CSMD1: variants seen among roughly 807,000 people sequenced by gnomAD.
The protein encoded by CSMD1 is CUB and Sushi multiple domains 1.
CSMD1 carries 213 observed loss-of-function variants against 417.5 expected under a neutral mutation model. The ratio of observed to expected loss-of-function variants is 0.51; its 90% CI spans 0.46 to 0.57. CSMD1 has a LOEUF of 0.57. Ranked by LOEUF, CSMD1 falls within the 20% of genes least tolerant of loss-of-function variation. CSMD1 has a pLI of 0.00. For synonymous variants in CSMD1, 2,862 were observed against 1,736.8 expected, an observed-to-expected ratio of 1.65 and a Z score of -16.11; for missense variants, 6,923 against 4,529.7, an observed-to-expected ratio of 1.53 and a Z score of -15.17.
intron 54 of CSMD1, among the ~76,000 whole-genome samples, chr8:2,980,822 T>C (rs1383250879): frequency 2.6e-5 from 4 of 152,224 alleles, no homozygotes; most frequent in Non-Finnish European, 5.9e-5. Flanking sequence ...TTGGAGGATG[T>C]GTATTAAAAT....
chr8:4,943,720 G>C (rs1197278521), intron 1 of CSMD1, among the ~76,000 whole-genome samples: 1 of 152,084 alleles, frequency 6.6e-6, no homozygotes, highest in South Asian at 2.1e-4. Flanking sequence ...AAAAACATTT[G>C]AAGATATCCA....
At chr8:3,755,816 T>G (rs1797623611) in intron 5 of CSMD1, among the ~76,000 whole-genome samples, 1 of 152,120 alleles carries the variant, frequency 6.6e-6, no homozygotes, top group Non-Finnish European at 1.5e-5. Flanking sequence ...TAATCTTCTG[T>G]AAGAGAAGTA....
chr8:4,694,849 G>A (rs75651487), intron 1 of CSMD1, among the ~76,000 whole-genome samples: 7,481 of 151,956 alleles, frequency 0.049, 190 homozygotes, highest in East Asian at 0.092. Flanking sequence ...AGATATTCTC[G>A]TTTCATAGCT....
chr8:4,902,994 G>C (rs999639908), intron 1 of CSMD1, among the ~76,000 whole-genome samples: 13 of 137,196 alleles, frequency 9.5e-5, no homozygotes, highest in Non-Finnish European at 1.7e-4. Flanking sequence ...ATAAATAAAT[G>C]ATAAATAATA....
chr8:3,496,236 C>T (rs1174948638), intron 10 of CSMD1, among the ~76,000 whole-genome samples: 2 of 152,228 alleles, frequency 1.3e-5, no homozygotes, highest in Non-Finnish European at 2.9e-5. Context: ...ACTGCCGACT[C>T]TGTCCAAGAA....
At chr8:3,306,640 G>A (rs1036795264) in intron 25 of CSMD1, among the ~76,000 whole-genome samples, 1 of 150,014 alleles carries the variant, frequency 6.7e-6, no homozygotes, top group Non-Finnish European at 1.5e-5. Context: ...ATTTTGTACA[G>A]AAAATTAATA....
intron 8 of CSMD1, among the ~76,000 whole-genome samples, chr8:3,604,853 G>T (rs1801533719): frequency 6.6e-6 from 1 of 152,096 alleles, no homozygotes; most frequent in Non-Finnish European, 1.5e-5. Flanking sequence ...GAGTTATCTA[G>T]GGGGCTCTAG....
At chr8:4,687,226 C>A (rs928354437) in intron 1 of CSMD1, among the ~76,000 whole-genome samples, 14 of 152,148 alleles carry the variant, frequency 9.2e-5, no homozygotes, top group African/African-American at 3.4e-4. Context: ...GACTGCATCT[C>A]CAGGCCCCTG....
At chr8:3,418,235 A>G (rs1453831116) in intron 12 of CSMD1, among the ~76,000 whole-genome samples, 1 of 152,148 alleles carries the variant, frequency 6.6e-6, no homozygotes, top group Admixed American at 6.6e-5. Flanking sequence ...CCAGTGTGAA[A>G]TGCTGGACTC....
At chr8:3,307,856 T>C (rs1439621382) in intron 24 of CSMD1, 35 bp from the exon 25 acceptor site, 1 of 1,600,912 alleles carries the variant, frequency 6.2e-7, no homozygotes, top group Non-Finnish European at 8.5e-7. Flanking sequence ...AACGTTCAGC[T>C]TCAGGCATCA....
At chr8:3,673,923 G>A (rs1428332688) in intron 7 of CSMD1, among the ~76,000 whole-genome samples, 1 of 152,058 alleles carries the variant, frequency 6.6e-6, no homozygotes. Context: ...TTTCAGACGA[G>A]CCTGGGCAAC....
At chr8:4,939,123 G>C (rs1327712263) in intron 1 of CSMD1, among the ~76,000 whole-genome samples, 5 of 152,108 alleles carry the variant, frequency 3.3e-5, no homozygotes, top group African/African-American at 1.2e-4. Context: ...CTTTTGTTGT[G>C]CAGAAGCTTT....
At chr8:3,950,120 C>G (rs939740370) in intron 5 of CSMD1, among the ~76,000 whole-genome samples, 1 of 152,186 alleles carries the variant, frequency 6.6e-6, no homozygotes, top group Admixed American at 6.5e-5. Flanking sequence ...TAATTAGACA[C>G]GTTACACTGA....
intron 7 of CSMD1, among the ~76,000 whole-genome samples, chr8:3,621,793 G>A (rs182996015): frequency 1.3e-5 from 2 of 151,406 alleles, no homozygotes; most frequent in African/African-American, 4.9e-5. Flanking sequence ...TTATTTTGTA[G>A]AAACAGGGTT....
At chr8:3,819,324 G>C (rs955493887) in intron 5 of CSMD1, among the ~76,000 whole-genome samples, 1 of 152,150 alleles carries the variant, frequency 6.6e-6, no homozygotes, top group Admixed American at 6.5e-5. Flanking sequence ...AGATGAGAGA[G>C]TGACAGGTAG....
intron 12 of CSMD1, among the ~76,000 whole-genome samples, chr8:3,441,369 G>A (rs1294681560): frequency 6.6e-6 from 1 of 152,038 alleles, no homozygotes; most frequent in Admixed American, 6.6e-5. Flanking sequence ...TGCATCGACT[G>A]ATATAAACAT....
intron 23 of CSMD1, among the ~76,000 whole-genome samples, chr8:3,309,934 T>G (rs1305789882): frequency 6.6e-6 from 1 of 152,102 alleles, no homozygotes; most frequent in African/African-American, 2.4e-5. Flanking sequence ...TCCATAAAGT[T>G]TCCTTCCACA....
chr8:3,540,420 A>C (rs923052622), intron 10 of CSMD1, among the ~76,000 whole-genome samples: 19 of 152,220 alleles, frequency 1.2e-4, no homozygotes, highest in African/African-American at 4.3e-4. Flanking sequence ...ACCCAAAACT[A>C]TAAAAACCCT....
chr8:3,229,931 G>C, intron 27 of CSMD1, 109 bp downstream of exon 27: 3 of 799,338 alleles, frequency 3.8e-6, no homozygotes, highest in Non-Finnish European at 5.7e-6. Flanking sequence ...GAACATGAAA[G>C]AAACTCTTGA....
Sources: allele counts gnomAD v4.1 joint callset (sites outside exome capture counted in the v4.1 genomes callset), GRCh38; gene constraint gnomAD v4.1.1; transcripts MANE v1.5; gene names NCBI Gene and HGNC (gene_info 2026-07-23, HGNC 2026-07-21).